SSPN: variants seen among roughly 807,000 people sequenced by gnomAD.
SSPN encodes the protein sarcospan.
Under a neutral mutation model 19.1 loss-of-function variants are expected in SSPN, and 15 were observed. The ratio of observed to expected loss-of-function variants is 0.78; its 90% CI spans 0.52 to 1.21. SSPN has a LOEUF of 1.21. Among genes scored for constraint, SSPN ranks in the 50% most tolerant of loss-of-function variants. SSPN has a pLI of 0.00. For synonymous variants in SSPN, 147 were observed against 140.3 expected (o/e 1.05, Z -0.34); for missense variants, 291 against 314.0 (o/e 0.93, Z 0.55).
intron 1 of SSPN, among the ~76,000 whole-genome samples, chr12:26,164,072 G>T (rs996102169): frequency 6.6e-6 from 1 of 152,196 alleles, no homozygotes; most frequent in African/African-American, 2.4e-5. Flanking sequence ...TCTCAGGTCT[G>T]TGCAAAGCCC....
At chr12:26,214,852 ATATTTAAGCCC>A (rs1466230690) in intron 1 of SSPN, 1 of 150,286 alleles carries the variant, frequency 6.7e-6, no homozygotes, top group Non-Finnish European at 1.5e-5. Flanking sequence ...TAATTCTACC[ATATTTAAGCCC>A]TATGTGATTA....
intron 1 of SSPN, among the ~76,000 whole-genome samples, chr12:26,177,758 A>G (rs1424895001): frequency 6.6e-6 from 1 of 152,222 alleles, no homozygotes; most frequent in African/African-American, 2.4e-5. Context: ...TCTGTCTGAC[A>G]TCTGCATCTG....
intron 1 of SSPN, among the ~76,000 whole-genome samples, chr12:26,198,167 G>A (rs937540679): frequency 7.1e-6 from 1 of 140,710 alleles, no homozygotes; most frequent in Non-Finnish European, 1.6e-5. Context: ...TTTGAGTTTT[G>A]GGGGGGGGTT....
At chr12:26,178,326 GTTA>G (rs1180101239) in intron 1 of SSPN, among the ~76,000 whole-genome samples, 1 of 151,918 alleles carries the variant, frequency 6.6e-6, no homozygotes, top group Non-Finnish European at 1.5e-5. Flanking sequence ...ATCTCATAGT[GTTA>G]TTATAAGGAC....
At chr12:26,219,799 C>A (rs1429495169) in intron 1 of SSPN, among the ~76,000 whole-genome samples, 1 of 152,236 alleles carries the variant, frequency 6.6e-6, no homozygotes, top group Non-Finnish European at 1.5e-5. Context: ...CAGCACTAGC[C>A]TTCCCAGTGC....
At chr12:26,208,018 TG>T (rs57868336) in intron 1 of SSPN, among the ~76,000 whole-genome samples, 35,996 of 134,536 alleles carry the variant, frequency 0.27, 5,153 homozygotes, top group East Asian at 0.56. Flanking sequence ...GTGGTGGTGG[TG>T]GGGGGGGGGG....
intron 1 of SSPN, among the ~76,000 whole-genome samples, chr12:26,184,781 A>G (rs183428370): frequency 1.1e-4 from 16 of 152,306 alleles, no homozygotes; most frequent in African/African-American, 3.9e-4. Context: ...CATAGAGAGG[A>G]AGGGAGTAAA....
chr12:26,135,665 TC>T (rs1256032854), intron 1 of SSPN, among the ~76,000 whole-genome samples: 2 of 152,148 alleles, frequency 1.3e-5, no homozygotes, highest in African/African-American at 4.8e-5. Context: ...AGCTCTCATT[TC>T]TCTAATTATG....
intron 2 of SSPN, among the ~76,000 whole-genome samples, chr12:26,230,342 G>C (rs968800266): frequency 2.6e-5 from 4 of 152,182 alleles, no homozygotes; most frequent in African/African-American, 9.7e-5. Flanking sequence ...AATATCAGAA[G>C]TTCTTGAGTT....
At chr12:26,218,076 A>C (rs1945075453) in intron 1 of SSPN, among the ~76,000 whole-genome samples, 1 of 150,922 alleles carries the variant, frequency 6.6e-6, no homozygotes, top group African/African-American at 2.4e-5. Context: ...CCAAATGTCC[A>C]ACAATGATAG....
intron 1 of SSPN, among the ~76,000 whole-genome samples, chr12:26,213,888 C>A (rs2137486333): frequency 6.6e-6 from 1 of 152,182 alleles, no homozygotes; most frequent in South Asian, 2.1e-4. Context: ...CACTTTAGCC[C>A]CATCAAGGTA....
chr12:26,168,244 G>A (rs1490912015), intron 1 of SSPN, among the ~76,000 whole-genome samples: 1 of 150,582 alleles, frequency 6.6e-6, no homozygotes, highest in Non-Finnish European at 1.5e-5. Context: ...AATAACAAGG[G>A]CAACATATTT....
rs991930873 is a variant in SSPN, at chr12:26,232,061, A to T, written c.*985A>T. ...AAAAACACCCATTTAAACAAAAACA[A>T]GAGCATTTGTAATAGGAAGTGTTTA... On this transcript the variant is annotated 3_prime_UTR_variant, in exon 3 of 3. Coordinates refer to ENST00000242729, the MANE Select transcript of SSPN (RefSeq NM_005086.5). The T allele has an allele frequency of 1.0e-6, 1 of 985,308 alleles. No homozygotes were observed. Among genetic ancestry groups the T allele is most frequent in the East Asian group, 1.1e-4 (1 of 8,830 alleles). 61.0% of individuals were successfully genotyped at this position (985,308 alleles called of 1,614,324 possible).
chr12:26,203,110 C>A (rs926449431), intron 1 of SSPN, among the ~76,000 whole-genome samples: 1 of 152,114 alleles, frequency 6.6e-6, no homozygotes. Flanking sequence ...GGAACCACCC[C>A]CATGATCAAA....
chr12:26,218,245 C>G (rs1314957798), intron 1 of SSPN, among the ~76,000 whole-genome samples: 1 of 120,992 alleles, frequency 8.3e-6, no homozygotes, highest in Admixed American at 9.0e-5. Context: ...CATATTCTCA[C>G]TCATAGGTGG....
intron 1 of SSPN, among the ~76,000 whole-genome samples, chr12:26,144,342 G>A (rs117510639): frequency 0.012 from 1,765 of 152,298 alleles, 16 homozygotes; most frequent in Non-Finnish European, 0.014. Context: ...TGTAAGGCAG[G>A]AACAAGTGAA....
intron 1 of SSPN, among the ~76,000 whole-genome samples, chr12:26,155,007 T>G (rs1944547430): frequency 2.6e-5 from 4 of 152,152 alleles, no homozygotes; most frequent in Admixed American, 2.6e-4. Flanking sequence ...AATGGGAAAC[T>G]GTATTAGGAG....
At chr12:26,223,149 T>C (rs1945140020) in intron 1 of SSPN, among the ~76,000 whole-genome samples, 1 of 152,090 alleles carries the variant, frequency 6.6e-6, no homozygotes, top group African/African-American at 2.4e-5. Flanking sequence ...TTCAAGGGAG[T>C]ACCGCTACTT....
exon 1 of SSPN, chr12:26,122,096 A>C (rs1202504551): frequency 6.5e-7 from 1 of 1,549,600 alleles, no homozygotes; most frequent in Admixed American, 2.0e-5. Context: ...GCTGCGAGGG[A>C]TCTTCCTGAG....
Sources: gnomAD v4.1 joint callset for allele counts (sites outside exome capture counted in the v4.1 genomes callset) on GRCh38, gnomAD v4.1.1 for gene constraint, MANE v1.5 for transcripts, NCBI Gene and HGNC (gene_info 2026-07-23, HGNC 2026-07-21) for gene names.